Variants in NAV3 observed in about 807,000 individuals in gnomAD.
The protein encoded by NAV3 is pore membrane and/or filament interacting like protein 1.
NAV3 carries 87 observed loss-of-function variants against 244.7 expected under a neutral mutation model. The ratio of observed to expected loss-of-function variants is 0.36; its 90% CI spans 0.30 to 0.42. The LOEUF (loss-of-function observed/expected upper bound fraction) is 0.42. Among genes scored for constraint, NAV3 ranks in the 20% least tolerant of loss-of-function variants. NAV3 has a pLI of 1.00. For missense variants in NAV3, 2,663 were observed against 2,893.3 expected (o/e 0.92, Z 1.83); for synonymous variants, 1,126 against 1,042.2 (o/e 1.08, Z -1.55).
At chr12:78,047,011 T>G (rs572065004) in intron 9 of NAV3, among the ~76,000 whole-genome samples, 28 of 152,288 alleles carry the variant, frequency 1.8e-4, no homozygotes, top group African/African-American at 6.5e-4. Context: ...TTTTTTATAT[T>G]TGCTGGTTTA....
chr12:77,715,870 T>C (rs557794357), intron 2 of NAV3, among the ~76,000 whole-genome samples: 5 of 152,072 alleles, frequency 3.3e-5, no homozygotes, highest in Non-Finnish European at 5.9e-5. Context: ...TTTATGTACA[T>C]CATGAGAGCA....
At chr12:77,941,211 T>A in intron 3 of NAV3, 78 bp downstream of exon 3, 1 of 916,958 alleles carries the variant, frequency 1.1e-6, no homozygotes, top group Non-Finnish European at 1.7e-6. Flanking sequence ...ATGGATATTA[T>A]TTTTTTTCTG....
chr12:77,668,351 A>G (rs1443761593), intron 2 of NAV3, among the ~76,000 whole-genome samples: 1 of 152,218 alleles, frequency 6.6e-6, no homozygotes, highest in Non-Finnish European at 1.5e-5. Context: ...GCACCAGAGA[A>G]ACGTGAAGTC....
At chr12:78,164,817 G>A (rs2139489854) in intron 23 of NAV3, among the ~76,000 whole-genome samples, 1 of 152,144 alleles carries the variant, frequency 6.6e-6, no homozygotes, top group African/African-American at 2.4e-5. Context: ...AAAAGCAGAT[G>A]TGGTGGAAAA....
chr12:78,040,738 A>T (rs1440881514), intron 9 of NAV3, among the ~76,000 whole-genome samples: 1 of 152,076 alleles, frequency 6.6e-6, no homozygotes, highest in Non-Finnish European at 1.5e-5. Context: ...AAAAAAGGAC[A>T]TCTCAATATA....
At chr12:77,804,097 T>C (rs192674478) in intron 2 of NAV3, among the ~76,000 whole-genome samples, 4 of 152,284 alleles carry the variant, frequency 2.6e-5, no homozygotes, top group Admixed American at 2.0e-4. Context: ...ACTCTGATGA[T>C]AGTTTTTTGT....
chr12:77,755,395 A>T (rs562863657), intron 2 of NAV3, among the ~76,000 whole-genome samples: 1 of 152,140 alleles, frequency 6.6e-6, no homozygotes, highest in African/African-American at 2.4e-5. Flanking sequence ...TGTGCTGGGG[A>T]TACCAGGGAG....
intron 1 of NAV3, among the ~76,000 whole-genome samples, chr12:77,833,219 A>G (rs186238075): frequency 6.6e-6 from 1 of 152,254 alleles, no homozygotes; most frequent in African/African-American, 2.4e-5. Flanking sequence ...AGTTGAAAAC[A>G]TATAGAAGGC....
At chr12:77,986,474 A>AT (rs2136311025) in intron 5 of NAV3, among the ~76,000 whole-genome samples, 1 of 152,286 alleles carries the variant, frequency 6.6e-6, no homozygotes, top group African/African-American at 2.4e-5. Flanking sequence ...CTCAGCTGAG[A>AT]TTTTTTGTAA....
chr12:78,172,945 G>T (rs1216283390), intron 24 of NAV3, among the ~76,000 whole-genome samples: 2 of 151,598 alleles, frequency 1.3e-5, no homozygotes, highest in Admixed American at 6.6e-5. Context: ...TTTATAGAAT[G>T]GTTTGAAGAT....
chr12:77,831,710 T>C lies in NAV3; in HGVS notation c.243+6T>C, dbSNP rs1311684879. 1.9e-6 allele frequency: 3 copies of C among 1,593,934 alleles called. No homozygotes were observed. The highest frequency in any genetic ancestry group is 2.6e-6 in the Non-Finnish European group (3 of 1,172,442). ...AGGAGAAAGAAGACAGCAAGGTTAG[T>C]TGCTGAAGTTACCTGCAGACTTGTG... On this transcript the variant is annotated splice_donor_region_variant and intron_variant, in intron 1 of 39. Coordinates refer to ENST00000397909, the MANE Select transcript of NAV3 (RefSeq NM_001024383.2).
At chr12:78,067,065 A>G (rs1185471991) in intron 12 of NAV3, among the ~76,000 whole-genome samples, 1 of 152,116 alleles carries the variant, frequency 6.6e-6, no homozygotes, top group Non-Finnish European at 1.5e-5. Flanking sequence ...TCCAACTAGG[A>G]AAAGTAAAGG....
intron 22 of NAV3, among the ~76,000 whole-genome samples, chr12:78,156,638 G>T (rs1301542125): frequency 6.6e-6 from 1 of 152,014 alleles, no homozygotes; most frequent in East Asian, 1.9e-4. Flanking sequence ...ACTATAAGGA[G>T]AATTAAAATG....
chr12:78,189,173 C>A (rs976489403), intron 33 of NAV3, among the ~76,000 whole-genome samples: 17 of 151,654 alleles, frequency 1.1e-4, no homozygotes, highest in African/African-American at 3.9e-4. Flanking sequence ...ATAAATACCC[C>A]CCAGGAAGAG....
chr12:77,984,607 A>G (rs1036887912), intron 5 of NAV3, among the ~76,000 whole-genome samples: 1 of 152,024 alleles, frequency 6.6e-6, no homozygotes. Flanking sequence ...GAAACTAGGC[A>G]CAGAAAGCAG....
At chr12:77,703,824 A>G (rs1398922873) in intron 2 of NAV3, among the ~76,000 whole-genome samples, 1 of 152,204 alleles carries the variant, frequency 6.6e-6, no homozygotes, top group Non-Finnish European at 1.5e-5. Flanking sequence ...ACTGTGGAGC[A>G]GATAAAAACA....
chr12:78,130,917 C>T, intron 18 of NAV3: 1 of 180,850 alleles, frequency 5.5e-6, no homozygotes, highest in Non-Finnish European at 1.2e-5. Flanking sequence ...CTGTGTTGGC[C>T]AGCATCAGTG....
chr12:77,618,196 G>A (rs1871218078), intron 2 of NAV3, among the ~76,000 whole-genome samples: 1 of 152,184 alleles, frequency 6.6e-6, no homozygotes, highest in Non-Finnish European at 1.5e-5. Context: ...CATCTTAACT[G>A]CAGCCTCCTT....
intron 2 of NAV3, among the ~76,000 whole-genome samples, chr12:77,772,515 A>G (rs982986157): frequency 6.6e-6 from 1 of 152,222 alleles, no homozygotes; most frequent in Non-Finnish European, 1.5e-5. Flanking sequence ...AAATAGTGCT[A>G]CCACTGACAC....
Sources: gnomAD v4.1 joint callset for allele counts (sites outside exome capture counted in the v4.1 genomes callset) on GRCh38, gnomAD v4.1.1 for gene constraint, MANE v1.5 for transcripts, NCBI Gene and HGNC (gene_info 2026-07-23, HGNC 2026-07-21) for gene names.